The following ADK variants were observed in gnomAD, a reference collection of about 807,000 sequenced individuals.
ADK encodes N6,N6-dimethyladenosine kinase.
A neutral mutation model predicts 44.7 loss-of-function variants in ADK; 24 were observed. The observed-to-expected ratio is 0.54, with a 90% confidence interval of 0.39 to 0.76. The LOEUF (loss-of-function observed/expected upper bound fraction) is 0.76. Among genes scored for constraint, ADK ranks in the 30% least tolerant of loss-of-function variants. ADK has a pLI of 0.00. For synonymous variants in ADK, 128 were observed against 142.6 expected, an observed-to-expected ratio of 0.90 and a Z score of 0.73; for missense variants, 321 against 425.1, an observed-to-expected ratio of 0.76 and a Z score of 2.15.
chr10:74,534,350 G>A (rs953873685), intron 7 of ADK, among the ~76,000 whole-genome samples: 2 of 152,106 alleles, frequency 1.3e-5, no homozygotes, highest in Non-Finnish European at 1.5e-5. Flanking sequence ...TTATTCTAAA[G>A]CCATTAAGTT....
chr10:74,176,301 C>G (rs1190017049), intron 1 of ADK, among the ~76,000 whole-genome samples: 1 of 152,176 alleles, frequency 6.6e-6, no homozygotes, highest in African/African-American at 2.4e-5. Context: ...TTTATATTTT[C>G]CTAGGCTGAG....
intron 4 of ADK, among the ~76,000 whole-genome samples, chr10:74,353,269 A>C (rs1324556595): frequency 6.6e-6 from 1 of 152,182 alleles, no homozygotes; most frequent in Non-Finnish European, 1.5e-5. Context: ...GGACATGATG[A>C]AGCTGGAAAC....
chr10:74,594,306 C>T (rs1851820578), intron 8 of ADK, among the ~76,000 whole-genome samples: 1 of 151,666 alleles, frequency 6.6e-6, no homozygotes, highest in Non-Finnish European at 1.5e-5. Flanking sequence ...GCATGTTCTG[C>T]ACAGGTATCC....
At chr10:74,672,418 C>T (rs1275014590) in intron 10 of ADK, among the ~76,000 whole-genome samples, 1 of 152,178 alleles carries the variant, frequency 6.6e-6, no homozygotes, top group Non-Finnish European at 1.5e-5. Context: ...AAATCATGGG[C>T]AGCTTCCTCA....
chr10:74,490,317 A>G (rs1463990575), intron 6 of ADK, among the ~76,000 whole-genome samples: 2 of 152,118 alleles, frequency 1.3e-5, no homozygotes, highest in Non-Finnish European at 2.9e-5. Context: ...AATAGGTCCA[A>G]CATATGGTAA....
chr10:74,650,146 G>T (rs377589864), intron 9 of ADK, among the ~76,000 whole-genome samples: 4 of 152,142 alleles, frequency 2.6e-5, no homozygotes, highest in South Asian at 2.1e-4. Context: ...TTGGCCAGTC[G>T]CAGTGGCTTA....
chr10:74,583,701 T>TG (rs1413683625), intron 7 of ADK, among the ~76,000 whole-genome samples: 2 of 152,180 alleles, frequency 1.3e-5, no homozygotes, highest in Non-Finnish European at 1.5e-5. Context: ...AAGTTTTTAT[T>TG]AACATAATTT....
At position 74,670,276 on chromosome 10, in the gene ADK, A is replaced by G; in HGVS notation, c.964+7A>G. 6.2e-7 allele frequency: 1 copy of G among 1,605,328 alleles called. No homozygotes were observed. The highest frequency in any genetic ancestry group is 1.7e-5 in the Admixed American group (1 of 60,004). On this transcript the variant is annotated splice_region_variant and intron_variant, in intron 10 of 10. Transcript: ENST00000539909. ...GGAGATGCATTTGTTGGAGGTACAG[A>G]CTAATTTATTTCATTCTTACTTACA...
intron 9 of ADK, among the ~76,000 whole-genome samples, chr10:74,644,032 T>C (rs1853971518): frequency 6.6e-6 from 1 of 152,248 alleles, no homozygotes; most frequent in Admixed American, 6.5e-5. Context: ...CTTCATTCTT[T>C]TGTTAGGACT....
intron 7 of ADK, among the ~76,000 whole-genome samples, chr10:74,547,795 A>T (rs543052197): frequency 6.6e-6 from 1 of 152,172 alleles, no homozygotes; most frequent in Non-Finnish European, 1.5e-5. Flanking sequence ...AATAGCTGGG[A>T]TTACAGGCAT....
rs1554825231 is a variant in ADK, at chr10:74,172,141, T to TTC, written c.65+20799_65+20800insCT. ...TTCCTACAGTACATGGATTTTCTTT[T>TTC]TTTTTTTTTTTTTTTAAGACAGGGT... On this transcript the variant is annotated intron_variant, in intron 1 of 10. Transcript: ENST00000539909. 4.7e-4 allele frequency among the ~76,000 whole-genome samples: 70 copies of TTC among 149,350 alleles called. No homozygotes were observed. The Middle Eastern group carries it at 0.014, about 29-fold the overall frequency.
intron 6 of ADK, among the ~76,000 whole-genome samples, chr10:74,403,093 C>T (rs943150306): frequency 8.5e-5 from 13 of 152,160 alleles, no homozygotes; most frequent in Admixed American, 6.5e-4. Flanking sequence ...CTGCCTGATC[C>T]GTCCTCTGGA....
intron 1 of ADK, among the ~76,000 whole-genome samples, chr10:74,197,415 T>A (rs1843196691): frequency 1.3e-5 from 2 of 152,130 alleles, no homozygotes; most frequent in African/African-American, 4.8e-5. Flanking sequence ...AACTGAGACT[T>A]GGGCTGGGCG....
intron 9 of ADK, among the ~76,000 whole-genome samples, chr10:74,663,611 T>C (rs1463111073): frequency 6.6e-6 from 1 of 152,124 alleles, no homozygotes; most frequent in African/African-American, 2.4e-5. Context: ...TTCTCTATTA[T>C]CAAAGAAAAA....
intron 4 of ADK, among the ~76,000 whole-genome samples, chr10:74,370,278 T>C (rs1044949903): frequency 9.9e-5 from 15 of 152,196 alleles, no homozygotes; most frequent in African/African-American, 3.4e-4. Flanking sequence ...TATACTACTG[T>C]TAAAACAAAT....
chr10:74,460,109 C>T (rs1390340277), intron 6 of ADK, among the ~76,000 whole-genome samples: 1 of 152,154 alleles, frequency 6.6e-6, no homozygotes, highest in Non-Finnish European at 1.5e-5. Flanking sequence ...TTTCTCGGCT[C>T]CAAGATGTGA....
intron 6 of ADK, among the ~76,000 whole-genome samples, chr10:74,480,771 T>G (rs1847041382): frequency 6.6e-6 from 1 of 152,234 alleles, no homozygotes; most frequent in African/African-American, 2.4e-5. Context: ...TTCTAGCTTA[T>G]AGAGTAATAT....
chr10:74,329,498 T>G (rs551628862), intron 4 of ADK, among the ~76,000 whole-genome samples: 4 of 152,356 alleles, frequency 2.6e-5, no homozygotes, highest in South Asian at 2.1e-4. Flanking sequence ...TGGTAGTTAC[T>G]GTTGCCCACC....
At chr10:74,196,525 C>T (rs1843159669) in intron 1 of ADK, among the ~76,000 whole-genome samples, 2 of 151,848 alleles carry the variant, frequency 1.3e-5, no homozygotes, top group African/African-American at 2.4e-5. Flanking sequence ...GGTGACAGAG[C>T]GAGATTCTGT....
Sources: gnomAD v4.1 joint callset for allele counts (sites outside exome capture counted in the v4.1 genomes callset) on GRCh38, gnomAD v4.1.1 for gene constraint, MANE v1.5 for transcripts, NCBI Gene and HGNC (gene_info 2026-07-23, HGNC 2026-07-21) for gene names.